The following NTAQ1 variants were observed in gnomAD, a reference collection of about 807,000 sequenced individuals.
NTAQ1 encodes the protein N-terminal glutamine amidase 1.
Under a neutral mutation model 28.2 loss-of-function variants are expected in NTAQ1, and 21 were observed. The observed-to-expected ratio is 0.74, with a 90% CI of 0.53 to 1.07. NTAQ1 has a LOEUF of 1.07. NTAQ1 is among the 50% of genes least tolerant of loss of function. The probability of loss-of-function intolerance (pLI) is 0.00; values close to 1 mark genes in which losing one functional copy is unlikely to be tolerated. For missense variants in NTAQ1, 264 were observed against 256.6 expected (o/e 1.03, Z -0.20); for synonymous variants, 105 against 90.0 (o/e 1.17, Z -0.94).
chr8:123,448,765 T>C (rs371467984), downstream of NTAQ1, among the ~76,000 whole-genome samples: 1 of 152,224 alleles, frequency 6.6e-6, no homozygotes, highest in East Asian at 1.9e-4. Context: ...CCTGTTGTTT[T>C]GCATGAGGTT....
rs1350037744 is a variant in NTAQ1 at position 123,463,776 on chromosome 8, A to G, written c.373-3303A>G. On this transcript the variant is annotated intron_variant, in intron 6 of 6. Coordinates refer to the NTAQ1 transcript ENST00000650311. Reference sequence around the variant, plus strand: ...CAGGGAGGTGTTGAACTGTGATGCAATCCCTACTCAGCCAATCCCCAGAGA... The same window carrying G: ...CAGGGAGGTGTTGAACTGTGATGCAGTCCCTACTCAGCCAATCCCCAGAGA... Among the ~76,000 whole-genome samples the G allele has an allele frequency of 6.6e-5, 10 of 152,258 alleles. No homozygotes were observed. In the East Asian group the frequency reaches 1.5e-3, roughly 24 times the overall value.
intron 1 of NTAQ1, among the ~76,000 whole-genome samples, chr8:123,425,695 T>C (rs1183491291): frequency 6.6e-6 from 1 of 152,126 alleles, no homozygotes; most frequent in Admixed American, 6.6e-5. Flanking sequence ...GCTTCATTTT[T>C]AGGTAGCATG....
At chr8:123,451,559 G>A (rs942755564), downstream of NTAQ1, among the ~76,000 whole-genome samples, 2 of 151,750 alleles carry the variant, frequency 1.3e-5, no homozygotes, top group Non-Finnish European at 1.5e-5. Context: ...GTCTGGTCTC[G>A]AACTCTTGAC....
At chr8:123,437,520 G>A (rs543677934) in intron 5 of NTAQ1, among the ~76,000 whole-genome samples, 186 bp downstream of exon 5, 10 of 152,200 alleles carry the variant, frequency 6.6e-5, no homozygotes, top group East Asian at 1.9e-4. Context: ...TGGCTAACAC[G>A]GTGAAACCCT....
intron 6 of NTAQ1, among the ~76,000 whole-genome samples, chr8:123,447,659 G>C (rs1366564855): frequency 6.6e-6 from 1 of 152,152 alleles, no homozygotes; most frequent in Admixed American, 6.6e-5. Flanking sequence ...GCTGCTTTCT[G>C]ATCACCTCCT....
At chr8:123,437,143 T>C (rs1477385925) in intron 4 of NTAQ1, 67 bp from the exon 5 acceptor site, 3 of 1,590,788 alleles carry the variant, frequency 1.9e-6, no homozygotes, top group Non-Finnish European at 2.6e-6. Flanking sequence ...TGAGTCGATA[T>C]AAAAATGGAG....
At chr8:123,432,512 G>C (rs62520982) in intron 3 of NTAQ1, among the ~76,000 whole-genome samples, 24 of 151,266 alleles carry the variant, frequency 1.6e-4, no homozygotes, top group African/African-American at 5.8e-4. Context: ...GTGGGCGCTT[G>C]TAGTCCCAGC....
intron 6 of NTAQ1, among the ~76,000 whole-genome samples, chr8:123,464,560 G>A (rs1325688877): frequency 1.3e-5 from 2 of 152,272 alleles, no homozygotes; most frequent in African/African-American, 2.4e-5. Context: ...GGCCAGGAGT[G>A]CTACCACCTT....
chr8:123,423,388 C>T (rs1410779582), intron 1 of NTAQ1, among the ~76,000 whole-genome samples: 2 of 150,136 alleles, frequency 1.3e-5, no homozygotes, highest in African/African-American at 2.5e-5. Context: ...CCTCCCTTTC[C>T]CTCCTTTTCC....
downstream of NTAQ1, among the ~76,000 whole-genome samples, chr8:123,449,950 CATAT>C (rs529123810): frequency 7.0e-5 from 3 of 42,874 alleles, no homozygotes; most frequent in Non-Finnish European, 7.6e-5. Context: ...TGTGTGTGTG[CATAT>C]ATATATATAT....
At chr8:123,466,291 G>T (rs1815959660) in intron 6 of NTAQ1, among the ~76,000 whole-genome samples, 1 of 152,168 alleles carries the variant, frequency 6.6e-6, no homozygotes, top group Admixed American at 6.5e-5. Flanking sequence ...AATTAAAGTA[G>T]CTCCAGACAT....
At chr8:123,429,879 CAA>C (rs71310685) in intron 2 of NTAQ1, 102 bp from the exon 3 acceptor site, 4,005 of 334,006 alleles carry the variant, frequency 0.012, no homozygotes, top group Non-Finnish European at 0.013. Context: ...GACTCTGTCT[CAA>C]AAAAAAAAAA....
chr8:123,433,445 T>G (rs987982245), intron 3 of NTAQ1, among the ~76,000 whole-genome samples: 2 of 152,080 alleles, frequency 1.3e-5, no homozygotes, highest in Non-Finnish European at 2.9e-5. Flanking sequence ...ATTTTTTATT[T>G]TTATTTATTT....
intron 1 of NTAQ1, among the ~76,000 whole-genome samples, chr8:123,422,559 G>A (rs974270202): frequency 5.9e-4 from 89 of 151,248 alleles, no homozygotes; most frequent in African/African-American, 2.1e-3. Context: ...TTACAAGCAC[G>A]AGCCTCACCA....
downstream of NTAQ1, among the ~76,000 whole-genome samples, chr8:123,449,045 C>T (rs1027989328): frequency 6.6e-6 from 1 of 152,168 alleles, no homozygotes; most frequent in Non-Finnish European, 1.5e-5. Context: ...CTCTCTTACT[C>T]TCTTGAAAGC....
At chr8:123,437,776 T>A (rs568475531) in intron 5 of NTAQ1, among the ~76,000 whole-genome samples, 1 of 152,050 alleles carries the variant, frequency 6.6e-6, no homozygotes, top group South Asian at 2.1e-4. Flanking sequence ...AAATACTACT[T>A]CTGTGTGTGT....
At chr8:123,430,530 C>G (rs1263229397) in intron 3 of NTAQ1, among the ~76,000 whole-genome samples, 1 of 152,046 alleles carries the variant, frequency 6.6e-6, no homozygotes, top group African/African-American at 2.4e-5. Flanking sequence ...GTAATTCCAG[C>G]ACTTTGAGAG....
At position 123,463,209 on chromosome 8, in the gene NTAQ1, A is replaced by G. The variant is rs112250828; in HGVS notation, c.373-3870A>G. Among the ~76,000 whole-genome samples, 477 of 152,326 alleles carry G rather than the reference A, an allele frequency of 3.1e-3. 1 individual carries two copies. Among genetic ancestry groups the G allele is most frequent in the African/African-American group, 0.011 (455 of 41,578 alleles). On this transcript the variant is annotated intron_variant, in intron 6 of 6. Transcript: ENST00000650311. ...TTCAGAAGGATTTCCTAAGAAAGAT[A>G]TTCTTCTGCTTTATGATGATATTAT... is the stretch of plus-strand genomic sequence containing the variant.
intron 3 of NTAQ1, among the ~76,000 whole-genome samples, chr8:123,435,870 T>A (rs1025404732): frequency 7.4e-6 from 1 of 135,802 alleles, no homozygotes; most frequent in Non-Finnish European, 1.6e-5. Context: ...CTGTCTCAAT[T>A]AAAAAAAATA....
Sources: allele counts gnomAD v4.1 joint callset (sites outside exome capture counted in the v4.1 genomes callset), GRCh38; gene constraint gnomAD v4.1.1; transcripts MANE v1.5; gene names NCBI Gene and HGNC (gene_info 2026-07-23, HGNC 2026-07-21).